Variants in LRRC14 observed in about 807,000 individuals in gnomAD.
LRRC14 encodes the protein leucine-rich repeat-containing protein 14.
Under a neutral mutation model 25.3 loss-of-function variants are expected in LRRC14, and 16 were observed. The observed-to-expected ratio is 0.63, with a 90% CI of 0.43 to 0.96. The LOEUF (loss-of-function observed/expected upper bound fraction) is 0.96, where lower values mean the gene tolerates loss of function less well. Ranked by LOEUF, LRRC14 falls within the 40% of genes least tolerant of loss-of-function variation. The pLI, the probability that LRRC14 is intolerant of heterozygous loss-of-function variation, is 0.00. For synonymous variants in LRRC14, 359 were observed against 295.1 expected, an observed-to-expected ratio of 1.22 and a Z score of -2.22; for missense variants, 594 against 660.5, an observed-to-expected ratio of 0.90 and a Z score of 1.10.
chr8:144,520,846 T>C (rs1358120862), intron 3 of LRRC14, 24 bp downstream of exon 3: 1 of 1,593,678 alleles, frequency 6.3e-7, no homozygotes, highest in Non-Finnish European at 8.5e-7. Context: ...ACCACTGCCC[T>C]GCCCCTCCCT....
intron 1 of LRRC14, 30 bp from the exon 2 acceptor site, chr8:144,519,585 G>T: frequency 1.4e-6 from 1 of 717,360 alleles, no homozygotes; most frequent in Non-Finnish European, 2.3e-6. Flanking sequence ...TCTGTGCCAT[G>T]GCCACTGCTA....
In LRRC14 at chr8:144,519,752, A is replaced by T. The variant is rs751849952; in HGVS notation, c.27A>T (p.Thr9=). The T allele has an allele frequency of 1.2e-6, 2 of 1,612,592 alleles. No individual in the cohort carries two copies. The highest frequency in any genetic ancestry group is 1.7e-6 in the Non-Finnish European group (2 of 1,179,926). The part of the protein sequence containing the change: MHTLVFLS[T]RQVLQCQPAA... ...TGCACACGCTTGTGTTCTTGAGCACACGGCAGGTGCTGCAGTGCCAGCCAG... is the reference window on the plus strand; with the variant it reads ...TGCACACGCTTGTGTTCTTGAGCACTCGGCAGGTGCTGCAGTGCCAGCCAG... The change falls in exon 2 of 4, where the codon ACA becomes ACT. Residue 9 remains threonine, a synonymous_variant. Coordinates refer to ENST00000292524, the MANE Select transcript of LRRC14 (RefSeq NM_014665.4).
Position 144,523,031 on chromosome 8 carries a change from A to C in LRRC14, c.*1553A>C. 6.2e-7 allele frequency: 1 copy of C among 1,601,084 alleles called. No homozygotes were observed. The highest frequency in any genetic ancestry group is 1.3e-5 in the African/African-American group (1 of 74,710). On this transcript the variant is annotated 3_prime_UTR_variant, in exon 4 of 4. Transcript: ENST00000292524. Reference sequence around the variant, plus strand: ...CAGCGTGATGTTGCTGAGGAAGAGCATGCCGCTGCCCGTGTCGGATGCCGA... The same window carrying C: ...CAGCGTGATGTTGCTGAGGAAGAGCCTGCCGCTGCCCGTGTCGGATGCCGA...
Position 144,520,472 on chromosome 8 carries a change from C to T in LRRC14, c.564C>T (p.Ser188=), listed in dbSNP as rs1815938261. The change falls in exon 3 of 4, where the codon AGC becomes AGT. Residue 188 remains serine, a synonymous_variant. Transcript: ENST00000292524. The part of the protein sequence containing the change: ...YAFLREALRS[S]VGSPLRLCCR... ...TCCTGCGGGAGGCACTCCGAAGCAG[C>T]GTGGGCAGCCCGCTGCGGCTCTGCT... The T allele has an allele frequency of 3.8e-6, 6 of 1,597,470 alleles. No individual in the cohort carries two copies. The highest frequency in any genetic ancestry group is 1.6e-4 in the Middle Eastern group (1 of 6,076).
chr8:144,522,902 G>T lies in LRRC14; in HGVS notation c.*1424G>T. 1 of 1,327,308 alleles carries T rather than the reference G, an allele frequency of 7.5e-7. No homozygotes were observed. The highest frequency in any genetic ancestry group is 9.6e-7 in the Non-Finnish European group (1 of 1,044,934). 82.2% of individuals were successfully genotyped at this position (1,327,308 alleles called of 1,614,324 possible). A position where few individuals can be genotyped will look rare whatever the true frequency, so the allele number is the denominator to read the frequency against. On this transcript the variant is annotated 3_prime_UTR_variant, in exon 4 of 4. Transcript: ENST00000292524. Reference sequence around the variant, plus strand: ...GGCGGCCGGAGGCGGCGGTTGCGCGGGCTGCTGCGGCTGCTGCCGGGACGC... The same window carrying T: ...GGCGGCCGGAGGCGGCGGTTGCGCGTGCTGCTGCGGCTGCTGCCGGGACGC...
rs754322451 is a variant in LRRC14, at chr8:144,519,750, A to G, written c.25A>G (p.Thr9Ala). ...CATGCACACGCTTGTGTTCTTGAGC[A>G]CACGGCAGGTGCTGCAGTGCCAGCC... MHTLVFLS[T>A]RQVLQCQPAA... is the part of the protein sequence containing the mutation. The change falls in exon 2 of 4, where the codon ACA becomes GCA. Residue 9 changes from threonine to alanine, a missense_variant. Coordinates refer to ENST00000292524, the MANE Select transcript of LRRC14 (RefSeq NM_014665.4). 8.6e-5 allele frequency: 138 copies of G among 1,612,470 alleles called. No individual in the cohort carries two copies. The highest frequency in any genetic ancestry group is 1.1e-4 in the Non-Finnish European group (132 of 1,179,920).
chr8:144,522,496 G>A lies in LRRC14; in HGVS notation c.*1018G>A. ...GGCCCTAGCAGTGGATCTCGTAGGC[G>A]ACCGGCGGGGGCACGCGGAGTCCCG... On this transcript the variant is annotated 3_prime_UTR_variant, in exon 4 of 4. Coordinates refer to ENST00000292524, the MANE Select transcript of LRRC14 (RefSeq NM_014665.4). 1 of 1,495,848 alleles carries A rather than the reference G, an allele frequency of 6.7e-7. No homozygotes were observed. The highest frequency in any genetic ancestry group is 8.9e-7 in the Non-Finnish European group (1 of 1,129,060). The allele number at this position is 1,495,848 out of a possible 1,614,324, so 92.7% of individuals were successfully genotyped here.
chr8:144,521,413 C>T lies in LRRC14; in HGVS notation c.1417C>T (p.Arg473Cys), dbSNP rs762948449. 11 of 1,610,652 alleles carry T rather than the reference C, an allele frequency of 6.8e-6. No individual in the cohort carries two copies. The highest frequency in any genetic ancestry group is 4.0e-5 in the African/African-American group (3 of 74,928). ...ELHQLLLASG[R>C]AHVLWTTDIY... is the part of the protein sequence containing the mutation. ...GCACCAGCTGCTTCTAGCCTCAGGC[C>T]GTGCCCATGTGCTCTGGACCACGGA... Residue 473 changes from arginine (R) to cysteine (C), a missense_variant, in exon 4 of 4, where the codon CGT (arginine) becomes TGT (cysteine). Physicochemically the swap from Arg to Cys is radical, Grantham distance 180. Coordinates refer to ENST00000292524, the MANE Select transcript of LRRC14 (RefSeq NM_014665.4).
In LRRC14 at chr8:144,522,386, A is replaced by C. The variant is rs934766677; in HGVS notation, c.*908A>C. 1 of 1,361,422 alleles carries C rather than the reference A, an allele frequency of 7.3e-7. No individual in the cohort carries two copies. The highest frequency in any genetic ancestry group is 9.4e-7 in the Non-Finnish European group (1 of 1,063,944). The allele number at this position is 1,361,422 out of a possible 1,614,324, so 84.3% of individuals were successfully genotyped here. A position where few individuals can be genotyped will look rare whatever the true frequency, so the allele number is the denominator to read the frequency against. ...GCGCCCCACACACGGCTCAGCGCAC[A>C]CTGCGCGGCTTCCACCTTTACTGAC... On this transcript the variant is annotated 3_prime_UTR_variant, in exon 4 of 4. Coordinates refer to ENST00000292524, the MANE Select transcript of LRRC14 (RefSeq NM_014665.4).
rs113823213 is a variant in LRRC14 at position 144,523,468 on chromosome 8, G to A, written c.*1990G>A. On this transcript the variant is annotated 3_prime_UTR_variant, in exon 4 of 4. Coordinates refer to ENST00000292524, the MANE Select transcript of LRRC14 (RefSeq NM_014665.4). The stretch of plus-strand genomic sequence containing the variant: ...GGGTGCTGCTAAAACAGCCTGTGCA[G>A]TTGGGGTTTTGCAGGCCAGGACAGA... 7,720 of 1,491,368 alleles carry A rather than the reference G, an allele frequency of 5.2e-3. 347 individuals are homozygous for A. The African/African-American group carries it at 0.096, about 18-fold the overall frequency. 92.4% of individuals were successfully genotyped at this position (1,491,368 alleles called of 1,614,324 possible).
chr8:144,518,940 G>C (rs1443267571), intron 1 of LRRC14: 2 of 152,362 alleles, frequency 1.3e-5, no homozygotes, highest in Non-Finnish European at 2.9e-5. Flanking sequence ...CTTAAGACTT[G>C]GTCTTTCCAC....
chr8:144,522,529 C>T lies in LRRC14; in HGVS notation c.*1051C>T, dbSNP rs541152921. 1 of 1,520,322 alleles carries T rather than the reference C, an allele frequency of 6.6e-7. No homozygotes were observed. The highest frequency in any genetic ancestry group is 2.7e-5 in the East Asian group (1 of 37,258). 94.2% of individuals were successfully genotyped at this position (1,520,322 alleles called of 1,614,324 possible). ...GGGGCACGCGGAGTCCCGGCCCCGCCCCCTGTTCCGGGCCGCAGTCAGCGG... is the reference window on the plus strand; with the variant it reads ...GGGGCACGCGGAGTCCCGGCCCCGCTCCCTGTTCCGGGCCGCAGTCAGCGG... On this transcript the variant is annotated 3_prime_UTR_variant, in exon 4 of 4. Coordinates refer to ENST00000292524, the MANE Select transcript of LRRC14 (RefSeq NM_014665.4).
chr8:144,523,242 G>T lies in LRRC14; in HGVS notation c.*1764G>T, dbSNP rs1816201617. On this transcript the variant is annotated 3_prime_UTR_variant, in exon 4 of 4. Coordinates refer to ENST00000292524, the MANE Select transcript of LRRC14 (RefSeq NM_014665.4). ...AGCGGCTGCACGTGGACAGAGGGCG[G>T]AATGCAGATGAGGCTGCTGTGGGAT... The T allele has an allele frequency of 1.9e-6, 3 of 1,610,230 alleles. No individual in the cohort carries two copies. The highest frequency in any genetic ancestry group is 2.5e-6 in the Non-Finnish European group (3 of 1,178,914).
chr8:144,521,370 C>T lies in LRRC14; in HGVS notation c.1374C>T (p.Ala458=), dbSNP rs779254234. 9.3e-6 allele frequency: 15 copies of T among 1,612,708 alleles called. No individual in the cohort carries two copies. Among genetic ancestry groups the T allele is most frequent in the Non-Finnish European group, 1.3e-5 (15 of 1,180,012 alleles). ...CCTCCATCAATGAGGAGAAGTTTGC[C>T]CGCGTAGAAGCTGAGTTGCACCAGC... is the stretch of plus-strand genomic sequence containing the variant. The part of the protein sequence containing the change: ...LEASINEEKF[A]RVEAELHQLL... The change falls in exon 4 of 4, where the codon GCC becomes GCT. Residue 458 remains alanine, a synonymous_variant. Transcript: ENST00000292524.
rs770884720 is a variant in LRRC14 at position 144,522,582 on chromosome 8, G to A, written c.*1104G>A. On this transcript the variant is annotated 3_prime_UTR_variant, in exon 4 of 4. Coordinates refer to ENST00000292524, the MANE Select transcript of LRRC14 (RefSeq NM_014665.4). ...GCCTCCGCCGGACCCTCGGCGAAGAGCGGCTTGGAGCGGTTGATGACGAAC... is the reference window on the plus strand; with the variant it reads ...GCCTCCGCCGGACCCTCGGCGAAGAACGGCTTGGAGCGGTTGATGACGAAC... 1.8e-5 allele frequency: 28 copies of A among 1,553,678 alleles called. No individual in the cohort carries two copies. The highest frequency in any genetic ancestry group is 2.3e-5 in the Non-Finnish European group (27 of 1,152,586).
chr8:144,522,920 C>CGGGACGCGTTGACCAGGAGCCGGAAG lies in LRRC14; in HGVS notation c.*1445_*1470dup. 1 of 1,457,972 alleles carries CGGGACGCGTTGACCAGGAGCCGGAAG rather than the reference C, an allele frequency of 6.9e-7. No homozygotes were observed. The highest frequency in any genetic ancestry group is 9.0e-7 in the Non-Finnish European group (1 of 1,112,862). The allele number at this position is 1,457,972 out of a possible 1,614,324, so 90.3% of individuals were successfully genotyped here. A position where few individuals can be genotyped will look rare whatever the true frequency, so the allele number is the denominator to read the frequency against. ...TTGCGCGGGCTGCTGCGGCTGCTGCCGGGACGCGTTGACCAGGAGCCGGAA... is the reference window on the plus strand; with the variant it reads ...TTGCGCGGGCTGCTGCGGCTGCTGCCGGGACGCGTTGACCAGGAGCCGGAAGGGGACGCGTTGACCAGGAGCCGGAA... On this transcript the variant is annotated 3_prime_UTR_variant, in exon 4 of 4. Transcript: ENST00000292524.
In LRRC14 at chr8:144,522,360, C is replaced by T. The variant is rs1402261710; in HGVS notation, c.*882C>T. ...ATTCCCGAGTGCAACGTTCCCGGCTCGCGCCCCACACACGGCTCAGCGCAC... is the reference window on the plus strand; with the variant it reads ...ATTCCCGAGTGCAACGTTCCCGGCTTGCGCCCCACACACGGCTCAGCGCAC... On this transcript the variant is annotated 3_prime_UTR_variant, in exon 4 of 4. Coordinates refer to ENST00000292524, the MANE Select transcript of LRRC14 (RefSeq NM_014665.4). 1.5e-6 allele frequency: 2 copies of T among 1,320,112 alleles called. No individual in the cohort carries two copies. The highest frequency in any genetic ancestry group is 2.0e-5 in the South Asian group (1 of 50,198). 81.8% of individuals were successfully genotyped at this position (1,320,112 alleles called of 1,614,324 possible).
chr8:144,524,980 G>A lies in LRRC14; in HGVS notation c.*3502G>A, dbSNP rs1250825272. 3 of 1,448,260 alleles carry A rather than the reference G, an allele frequency of 2.1e-6. No individual in the cohort carries two copies. Among genetic ancestry groups the A allele is most frequent in the Admixed American group, 5.2e-5 (2 of 38,116 alleles). The allele number at this position is 1,448,260 out of a possible 1,614,324, so 89.7% of individuals were successfully genotyped here. A position where few individuals can be genotyped will look rare whatever the true frequency, so the allele number is the denominator to read the frequency against. On this transcript the variant is annotated 3_prime_UTR_variant, in exon 4 of 4. Transcript: ENST00000292524. ...GCGGGGGCCCTCAGGGCCATCTCCC[G>A]AGGCCCGGTTCCTCACCGGCCCTTC...
rs1815932121 is a variant in LRRC14, at chr8:144,520,430, C to G, written c.522C>G (p.Asn174Lys). 1 of 1,599,892 alleles carries G rather than the reference C, an allele frequency of 6.3e-7. No individual in the cohort carries two copies. The highest frequency in any genetic ancestry group is 8.5e-7 in the Non-Finnish European group (1 of 1,175,246). The change falls in exon 3 of 4, where the codon AAC (asparagine) becomes AAG (lysine). Residue 174 changes from asparagine (N) to lysine (K), a missense_variant. Physicochemically the swap from Asn to Lys is moderately conservative, Grantham distance 94. Coordinates refer to ENST00000292524, the MANE Select transcript of LRRC14 (RefSeq NM_014665.4). Reference sequence around the variant, plus strand: ...AGGTGCGCGTGGACCTGCGGGTGAACCGGGCCTCCTATGCGTTCCTGCGGG... The same window carrying G: ...AGGTGCGCGTGGACCTGCGGGTGAAGCGGGCCTCCTATGCGTTCCTGCGGG... ...PVEVRVDLRV[N>K]RASYAFLREA...
Sources: allele counts gnomAD v4.1 joint callset, GRCh38; gene constraint gnomAD v4.1.1; transcripts MANE v1.5; gene names NCBI Gene and HGNC (gene_info 2026-07-23, HGNC 2026-07-21).